The following RSU1 variants were observed in gnomAD, a reference collection of about 807,000 sequenced individuals.
The protein encoded by RSU1 is rsu-1.
Under a neutral mutation model 31.1 loss-of-function variants are expected in RSU1, and 26 were observed. That is an observed-to-expected ratio of 0.84 (90% CI 0.61 to 1.16). RSU1 has a LOEUF of 1.16. RSU1 is among the 50% of genes most tolerant of loss of function. RSU1 has a pLI of 0.00. For synonymous variants in RSU1, 164 were observed against 136.3 expected, an observed-to-expected ratio of 1.20 and a Z score of -1.41; for missense variants, 320 against 339.1, an observed-to-expected ratio of 0.94 and a Z score of 0.44.
At chr10:16,731,486 G>A (rs1196281921) in intron 7 of RSU1, among the ~76,000 whole-genome samples, 1 of 151,780 alleles carries the variant, frequency 6.6e-6, no homozygotes, top group East Asian at 1.9e-4. Context: ...CCTTTTCTGA[G>A]TTCCTGATTA....
At chr10:16,805,710 T>G (rs1157809757) in intron 2 of RSU1, among the ~76,000 whole-genome samples, 1 of 146,078 alleles carries the variant, frequency 6.8e-6, no homozygotes, top group Non-Finnish European at 1.5e-5. Flanking sequence ...AGAGGGAGAA[T>G]GAAGATAGCA....
intron 7 of RSU1, among the ~76,000 whole-genome samples, chr10:16,741,830 G>T (rs1435088445): frequency 1.3e-5 from 2 of 152,104 alleles, no homozygotes; most frequent in Admixed American, 1.3e-4. Flanking sequence ...AGATGAGGGT[G>T]GCTTAAACCA....
Position 16,592,317 on chromosome 10 carries a change from C to T in RSU1, c.*1077G>A, listed in dbSNP as rs1259637261. The T allele has an allele frequency of 1.3e-5, 2 of 152,106 alleles. No homozygotes were observed. Among genetic ancestry groups the T allele is most frequent in the Non-Finnish European group, 2.9e-5 (2 of 68,022 alleles). The allele number at this position is 152,106 out of a possible 1,614,324, so 9.4% of individuals were successfully genotyped here. A position where few individuals can be genotyped will look rare whatever the true frequency, so the allele number is the denominator to read the frequency against. ...GTGTCGGCCTTCTGGGGTTGACAGC[C>T]CTTTCAGTGAGCACAAAACCTCAGC... On this transcript the variant is annotated 3_prime_UTR_variant, in exon 9 of 9. Coordinates refer to ENST00000345264, the MANE Select transcript of RSU1 (RefSeq NM_012425.4).
At chr10:16,796,105 G>A (rs759839060) in intron 2 of RSU1, among the ~76,000 whole-genome samples, 20 of 152,102 alleles carry the variant, frequency 1.3e-4, no homozygotes, top group Non-Finnish European at 2.5e-4. Flanking sequence ...TCCCTCAACA[G>A]TCACTAAATA....
At chr10:16,756,507 T>A (rs1379435879) in intron 4 of RSU1, among the ~76,000 whole-genome samples, 3 of 152,192 alleles carry the variant, frequency 2.0e-5, no homozygotes, top group African/African-American at 4.8e-5. Flanking sequence ...GACGAAGACC[T>A]TTAAGATGAT....
At chr10:16,661,855 TC>T (rs1834896264) in intron 8 of RSU1, among the ~76,000 whole-genome samples, 1 of 152,240 alleles carries the variant, frequency 6.6e-6, no homozygotes. Flanking sequence ...TTCTTTGGTT[TC>T]AAATTATTAT....
rs1833527173 is a variant in RSU1, at chr10:16,592,580, C to T, written c.*814G>A. On this transcript the variant is annotated 3_prime_UTR_variant, in exon 9 of 9. Coordinates refer to ENST00000345264, the MANE Select transcript of RSU1 (RefSeq NM_012425.4). ...AATACACAGTTGAGGTTTTTTCTCT[C>T]TCTCTTTCACAGTTCTTGTCTACCA... The T allele has an allele frequency of 6.6e-6, 1 of 152,150 alleles. No individual in the cohort carries two copies. The highest frequency in any genetic ancestry group is 2.4e-5 in the African/African-American group (1 of 41,426). The allele number at this position is 152,150 out of a possible 1,614,324, so 9.4% of individuals were successfully genotyped here.
chr10:16,633,738 G>T (rs1040158260), intron 8 of RSU1, among the ~76,000 whole-genome samples: 12 of 152,116 alleles, frequency 7.9e-5, no homozygotes, highest in Non-Finnish European at 1.3e-4. Flanking sequence ...TTAACTCCAC[G>T]ATTCCATGGG....
chr10:16,755,074 G>C, intron 4 of RSU1, 85 bp from the exon 5 acceptor site: 2 of 752,398 alleles, frequency 2.7e-6, no homozygotes, highest in Middle Eastern at 4.0e-4. Flanking sequence ...TTCAGACGCT[G>C]AAAGTGTAAG....
intron 7 of RSU1, among the ~76,000 whole-genome samples, chr10:16,737,518 A>G (rs2131606581): frequency 6.6e-6 from 1 of 152,142 alleles, no homozygotes; most frequent in East Asian, 1.9e-4. Context: ...ATTCCTCCAA[A>G]AACTGAAAAC....
At chr10:16,707,680 G>A (rs7920982) in intron 7 of RSU1, among the ~76,000 whole-genome samples, 3,152 of 151,070 alleles carry the variant, frequency 0.021, 98 homozygotes, top group African/African-American at 0.071. Flanking sequence ...TCTTCACTCC[G>A]TCAATAGCTT....
intron 8 of RSU1, among the ~76,000 whole-genome samples, chr10:16,650,946 CAT>C (rs1292106343): frequency 6.6e-6 from 1 of 152,062 alleles, no homozygotes; most frequent in Non-Finnish European, 1.5e-5. Context: ...ATATTTCATT[CAT>C]GTTTTTAATA....
At chr10:16,773,562 C>G (rs139511268) in intron 3 of RSU1, among the ~76,000 whole-genome samples, 1 of 152,186 alleles carries the variant, frequency 6.6e-6, no homozygotes, top group Non-Finnish European at 1.5e-5. Context: ...GGGGACACGG[C>G]GGAGCAGCCA....
At chr10:16,608,882 C>T (rs1381878624) in intron 8 of RSU1, among the ~76,000 whole-genome samples, 1 of 152,102 alleles carries the variant, frequency 6.6e-6, no homozygotes, top group Non-Finnish European at 1.5e-5. Flanking sequence ...GATCTGTTGC[C>T]CTGGCTGCGG....
At chr10:16,765,765 G>A (rs1837301099) in intron 3 of RSU1, among the ~76,000 whole-genome samples, 1 of 152,192 alleles carries the variant, frequency 6.6e-6, no homozygotes, top group African/African-American at 2.4e-5. Flanking sequence ...AAAGTGTGAT[G>A]TCTCTTATCA....
chr10:16,730,451 T>C (rs1323021880), intron 7 of RSU1, among the ~76,000 whole-genome samples: 1 of 152,132 alleles, frequency 6.6e-6, no homozygotes, highest in East Asian at 1.9e-4. Flanking sequence ...AGAAGTGCAG[T>C]GTCTTGGACA....
chr10:16,808,022 CAAA>C (rs9331745), intron 2 of RSU1, among the ~76,000 whole-genome samples: 62 of 116,216 alleles, frequency 5.3e-4, no homozygotes, highest in African/African-American at 8.5e-4. Context: ...GACTCTGTCT[CAAA>C]AAAAAAAAAA....
chr10:16,712,066 C>G (rs796897773), intron 7 of RSU1, among the ~76,000 whole-genome samples: 2 of 152,092 alleles, frequency 1.3e-5, no homozygotes, highest in Non-Finnish European at 2.9e-5. Context: ...TTGAATTTAT[C>G]CTTTAATCAT....
At chr10:16,698,781 A>T (rs1225762721) in intron 7 of RSU1, among the ~76,000 whole-genome samples, 2 of 152,220 alleles carry the variant, frequency 1.3e-5, no homozygotes, top group Non-Finnish European at 2.9e-5. Context: ...TACAAGTCAG[A>T]GTTAACAGAA....
Sources: allele counts gnomAD v4.1 joint callset (sites outside exome capture counted in the v4.1 genomes callset), GRCh38; gene constraint gnomAD v4.1.1; transcripts MANE v1.5; gene names NCBI Gene and HGNC (gene_info 2026-07-23, HGNC 2026-07-21).